Variants in LRMDA observed in about 807,000 individuals in gnomAD.
LRMDA encodes leucine-rich melanocyte differentiation-associated protein.
LRMDA carries 18 observed loss-of-function variants against 29.8 expected under a neutral mutation model. The observed-to-expected ratio is 0.60, with a 90% CI of 0.42 to 0.90. The LOEUF is 0.90. LRMDA is among the 40% of genes least tolerant of loss of function. The pLI is 0.00. For missense variants in LRMDA, 273 were observed against 273.9 expected (o/e 1.00, Z 0.02); for synonymous variants, 125 against 109.4 (o/e 1.14, Z -0.89).
chr10:75,993,851 G>A (rs991816750), intron 2 of LRMDA, among the ~76,000 whole-genome samples: 2 of 152,160 alleles, frequency 1.3e-5, no homozygotes, highest in African/African-American at 2.4e-5. Flanking sequence ...TCTTAGGAGA[G>A]GAACACTTCC....
intron 5 of LRMDA, among the ~76,000 whole-genome samples, chr10:76,183,103 G>T (rs1851083807): frequency 6.6e-6 from 1 of 152,178 alleles, no homozygotes; most frequent in South Asian, 2.1e-4. Context: ...CCTTGTGGAT[G>T]CTGTCCATGG....
At chr10:75,469,946 A>G (rs557546528) in intron 2 of LRMDA, among the ~76,000 whole-genome samples, 1 of 152,306 alleles carries the variant, frequency 6.6e-6, no homozygotes, top group East Asian at 1.9e-4. Context: ...CCTGCAGGGC[A>G]CTAACCCTGA....
At position 75,858,125 on chromosome 10, in the gene LRMDA, G is replaced by A. The variant is rs117218464; in HGVS notation, c.132-177883G>A. Among the ~76,000 whole-genome samples, 1,117 of 152,266 alleles carry A rather than the reference G, an allele frequency of 7.3e-3. 58 individuals carry two copies. The East Asian group carries it at 0.14, about 19-fold the overall frequency. On this transcript the variant is annotated intron_variant, in intron 2 of 6. Coordinates refer to ENST00000611255, the MANE Select transcript of LRMDA (RefSeq NM_001305581.2). ...TTTATGTGACCTTTCTGGCTGCCTA[G>A]GTGGGGCACAGATTCTGAGGCCCCC... is the stretch of plus-strand genomic sequence containing the variant.
At chr10:76,202,617 G>C (rs1851454111) in intron 5 of LRMDA, among the ~76,000 whole-genome samples, 1 of 152,120 alleles carries the variant, frequency 6.6e-6, no homozygotes, top group Non-Finnish European at 1.5e-5. Flanking sequence ...CTATCTGGCA[G>C]TCAGGAGCCC....
intron 6 of LRMDA, among the ~76,000 whole-genome samples, chr10:76,521,008 A>G (rs1843113313): frequency 6.6e-6 from 1 of 152,122 alleles, no homozygotes; most frequent in Non-Finnish European, 1.5e-5. Context: ...TATGAATTAT[A>G]TATATTTCCT....
intron 5 of LRMDA, among the ~76,000 whole-genome samples, chr10:76,226,067 T>TA (rs1317206549): frequency 1.3e-5 from 2 of 152,138 alleles, no homozygotes; most frequent in Non-Finnish European, 2.9e-5. Flanking sequence ...CATCATTTTT[T>TA]ATGGCTGCAT....
At chr10:76,449,352 TATATCTTCATTGC>T (rs957578187) in intron 6 of LRMDA, among the ~76,000 whole-genome samples, 4 of 151,922 alleles carry the variant, frequency 2.6e-5, no homozygotes, top group African/African-American at 7.2e-5. Context: ...ATATGTCCTT[TATATCTTCATTGC>T]AGAGGATTCC....
At chr10:76,139,090 C>T (rs1850151229) in intron 5 of LRMDA, among the ~76,000 whole-genome samples, 1 of 152,126 alleles carries the variant, frequency 6.6e-6, no homozygotes, top group Admixed American at 6.6e-5. Flanking sequence ...TTAGAAAAAG[C>T]TCTGTGCCTT....
intron 2 of LRMDA, among the ~76,000 whole-genome samples, chr10:75,958,503 T>C (rs1846703660): frequency 6.6e-6 from 1 of 152,192 alleles, no homozygotes; most frequent in African/African-American, 2.4e-5. Context: ...TCAGTGATTG[T>C]TGCCTTCCCC....
In LRMDA at chr10:75,679,526, A is replaced by G. The variant is rs1024952270; in HGVS notation, c.131+241032A>G. Among the ~76,000 whole-genome samples, 5 of 152,160 alleles carry G rather than the reference A, an allele frequency of 3.3e-5. No homozygotes were observed. The South Asian group carries it at 8.3e-4, about 25-fold the overall frequency. ...GAAGGTTCTCTGGATCTCCTTCTCC[A>G]TCGGTATTATTCTGGGGCTGGCCAT... On this transcript the variant is annotated intron_variant, in intron 2 of 6. Transcript: ENST00000611255.
chr10:76,159,832 C>T (rs1233342304), intron 5 of LRMDA, among the ~76,000 whole-genome samples: 1 of 152,066 alleles, frequency 6.6e-6, no homozygotes, highest in Non-Finnish European at 1.5e-5. Flanking sequence ...AAAGGCAAAA[C>T]TATAGAGAGA....
At chr10:76,025,802 G>T (rs1041243969) in intron 2 of LRMDA, among the ~76,000 whole-genome samples, 2 of 152,144 alleles carry the variant, frequency 1.3e-5, no homozygotes, top group African/African-American at 4.8e-5. Flanking sequence ...ACCAGCCCCA[G>T]CCCCTTCTCA....
At chr10:76,298,200 C>T (rs73289082) in intron 5 of LRMDA, among the ~76,000 whole-genome samples, 3,484 of 152,280 alleles carry the variant, frequency 0.023, 126 homozygotes, top group African/African-American at 0.078. Context: ...ATTAAAAATG[C>T]GCCTTGATGC....
intron 6 of LRMDA, among the ~76,000 whole-genome samples, chr10:76,464,206 G>A (rs559535452): frequency 5.3e-5 from 8 of 152,150 alleles, no homozygotes; most frequent in South Asian, 2.1e-4. Flanking sequence ...GGTGTAAGCC[G>A]CTGCGCCCGG....
intron 2 of LRMDA, among the ~76,000 whole-genome samples, chr10:75,839,059 C>G (rs1197060762): frequency 1.3e-5 from 2 of 152,140 alleles, no homozygotes; most frequent in African/African-American, 4.8e-5. Flanking sequence ...CCAGGCCTAT[C>G]CTTCACTTAG....
chr10:75,859,462 C>A (rs971477173), intron 2 of LRMDA, among the ~76,000 whole-genome samples: 2 of 152,098 alleles, frequency 1.3e-5, no homozygotes, highest in African/African-American at 2.4e-5. Context: ...CATTTTCCTG[C>A]CAAATTTGAA....
chr10:76,396,828 A>G (rs1449153116), intron 6 of LRMDA, among the ~76,000 whole-genome samples: 1 of 152,088 alleles, frequency 6.6e-6, no homozygotes, highest in East Asian at 1.9e-4. Context: ...ACATATATAT[A>G]TTTTCAAGTT....
intron 2 of LRMDA, among the ~76,000 whole-genome samples, chr10:75,471,930 A>G (rs1844731932): frequency 6.6e-6 from 1 of 151,824 alleles, no homozygotes; most frequent in African/African-American, 2.4e-5. Flanking sequence ...CTTATCCTTG[A>G]CCCTCTGGCT....
chr10:75,706,325 A>G (rs889898027), intron 2 of LRMDA, among the ~76,000 whole-genome samples: 3 of 151,898 alleles, frequency 2.0e-5, no homozygotes, highest in African/African-American at 7.3e-5. Flanking sequence ...TTATTTCCTT[A>G]GGAATATAAT....
Sources: gnomAD v4.1 joint callset for allele counts (sites outside exome capture counted in the v4.1 genomes callset) on GRCh38, gnomAD v4.1.1 for gene constraint, MANE v1.5 for transcripts, NCBI Gene and HGNC (gene_info 2026-07-23, HGNC 2026-07-21) for gene names.